POT1: variants seen among roughly 807,000 people sequenced by gnomAD.
POT1 encodes protection of telomeres 1, also known as protection of telomeres protein 1.
POT1 carries 47 observed loss-of-function variants against 78.5 expected under a neutral mutation model. The observed-to-expected ratio is 0.60, with a 90% CI of 0.47 to 0.76. The LOEUF is 0.76. Among genes scored for constraint, POT1 ranks in the 30% least tolerant of loss-of-function variants. The pLI, the probability that POT1 is intolerant of heterozygous loss-of-function variation, is 0.00. For missense variants in POT1, 646 were observed against 749.9 expected (o/e 0.86, Z 1.62); for synonymous variants, 259 against 260.7 (o/e 0.99, Z 0.06).
intron 2 of POT1, among the ~76,000 whole-genome samples, chr7:124,923,751 T>TAA (rs941364245): frequency 2.8e-5 from 4 of 143,060 alleles, no homozygotes; most frequent in African/African-American, 7.7e-5. Context: ...AAGTCAAAGT[T>TAA]AAAAAAAAAA....
chr7:124,911,454 G>C (rs1023888387), intron 3 of POT1, among the ~76,000 whole-genome samples: 3 of 152,202 alleles, frequency 2.0e-5, no homozygotes, highest in Admixed American at 1.3e-4. Context: ...GACTAGATTA[G>C]AACTATATTT....
At chr7:124,904,397 C>T (rs1342891611) in intron 3 of POT1, among the ~76,000 whole-genome samples, 1 of 152,158 alleles carries the variant, frequency 6.6e-6, no homozygotes, top group Non-Finnish European at 1.5e-5. Context: ...ACAAAAACCA[C>T]ATGATTATCT....
chr7:124,924,649 A>G (rs551391637), intron 2 of POT1, among the ~76,000 whole-genome samples: 24 of 152,126 alleles, frequency 1.6e-4, no homozygotes, highest in African/African-American at 5.3e-4. Context: ...TCAAAACCAG[A>G]CAAAGAACAC....
chr7:124,881,117 G>A (rs957811517), intron 6 of POT1, among the ~76,000 whole-genome samples: 19 of 151,908 alleles, frequency 1.3e-4, no homozygotes, highest in African/African-American at 4.6e-4. Flanking sequence ...GTAGTTAGGC[G>A]ATTTCATTGT....
intron 17 of POT1, among the ~76,000 whole-genome samples, chr7:124,826,905 T>A (rs1447116909): frequency 3.0e-5 from 4 of 134,290 alleles, no homozygotes. Context: ...CAAACAAAAG[T>A]ACGATAAAAT....
At chr7:124,860,689 T>C (rs1390678117) in intron 8 of POT1, among the ~76,000 whole-genome samples, 2 of 152,222 alleles carry the variant, frequency 1.3e-5, no homozygotes, top group East Asian at 1.9e-4. Context: ...ACACGTGCCA[T>C]AGTGGTTTGC....
chr7:124,823,214 A>T lies in POT1; in HGVS notation c.*748T>A, dbSNP rs977914199. On this transcript the variant is annotated 3_prime_UTR_variant, in exon 19 of 19. Coordinates refer to ENST00000357628, the MANE Select transcript of POT1 (RefSeq NM_015450.3). ...CACCTATTTCGATTCTTTGCCTCAT[A>T]TCATTTTTCAGCTCAACTTAGGGCA... is the stretch of plus-strand genomic sequence containing the variant. 1.3e-5 allele frequency: 2 copies of T among 152,088 alleles called. No individual in the cohort carries two copies. The highest frequency in any genetic ancestry group is 4.8e-5 in the African/African-American group (2 of 41,444). The allele number at this position is 152,088 out of a possible 1,614,324, so 9.4% of individuals were successfully genotyped here. A position where few individuals can be genotyped will look rare whatever the true frequency, so the allele number is the denominator to read the frequency against.
intron 6 of POT1, among the ~76,000 whole-genome samples, chr7:124,881,850 C>A (rs548088756): frequency 5.3e-5 from 8 of 151,930 alleles, no homozygotes; most frequent in Non-Finnish European, 1.0e-4. Context: ...AGCATTCGTA[C>A]TTTAAATAAA....
At chr7:124,838,178 T>C (rs12155120) in intron 14 of POT1, among the ~76,000 whole-genome samples, 60,588 of 151,862 alleles carry the variant, frequency 0.4, 12,211 homozygotes, top group East Asian at 0.5. Context: ...AATATTGTAC[T>C]GGAAGCCCTA....
At chr7:124,883,633 G>A (rs1390703522) in intron 6 of POT1, among the ~76,000 whole-genome samples, 1 of 151,818 alleles carries the variant, frequency 6.6e-6, no homozygotes, top group Non-Finnish European at 1.5e-5. Flanking sequence ...ACATATCACA[G>A]GTCATGAGTT....
intron 6 of POT1, among the ~76,000 whole-genome samples, chr7:124,873,817 G>T (rs1452978719): frequency 2.0e-5 from 3 of 152,172 alleles, no homozygotes; most frequent in Non-Finnish European, 4.4e-5. Flanking sequence ...GTGAAGGAAA[G>T]GAGAGTGGAA....
At chr7:124,847,561 T>C (rs1230857134) in intron 11 of POT1, among the ~76,000 whole-genome samples, 1 of 152,174 alleles carries the variant, frequency 6.6e-6, no homozygotes, top group Non-Finnish European at 1.5e-5. Context: ...TGCTATCACT[T>C]ATGTGGAAGT....
chr7:124,903,145 G>A (rs1350870113), intron 3 of POT1, among the ~76,000 whole-genome samples: 3 of 152,124 alleles, frequency 2.0e-5, no homozygotes, highest in South Asian at 2.1e-4. Flanking sequence ...GGATATCCAG[G>A]ACTTGAACTC....
rs1409498607 is a variant in POT1, at chr7:124,835,421, A to G, written c.1370-7T>C. Reference sequence around the variant, plus strand: ...ATTTCACTGAGTGTACCTCCTGTTAAGAGAATAAATAAATCCTTCAAGTAG... The same window carrying G: ...ATTTCACTGAGTGTACCTCCTGTTAGGAGAATAAATAAATCCTTCAAGTAG... On this transcript the variant is annotated splice_region_variant and splice_polypyrimidine_tract_variant and intron_variant, in intron 14 of 18. Coordinates refer to ENST00000357628, the MANE Select transcript of POT1 (RefSeq NM_015450.3). The G allele has an allele frequency of 2.5e-6, 4 of 1,609,538 alleles. 1 individual carries two copies. In the South Asian group the frequency reaches 4.4e-5, roughly 18 times the overall value.
At chr7:124,834,022 A>G (rs1258431320) in intron 15 of POT1, among the ~76,000 whole-genome samples, 1 of 152,200 alleles carries the variant, frequency 6.6e-6, no homozygotes, top group Non-Finnish European at 1.5e-5. Context: ...AGGATTCCCT[A>G]TTTAATAAAT....
At position 124,863,616 on chromosome 7, in the gene POT1, G is replaced by C. The variant is rs587777474; in HGVS notation, c.280C>G (p.Gln94Glu). ...LKIQVYKKET[Q>E]GITSSGFASL... The stretch of plus-strand genomic sequence containing the variant: ...GCAAAGCCAGAGCTGGTGATACCCT[G>C]AGTCTCCTTTTTATATACTTGAATC... Residue 94 changes from glutamine (Q) to glutamate (E), a missense_variant, in exon 8 of 19, where the codon CAG (glutamine) becomes GAG (glutamate). By Grantham distance (29) the Gln-to-Glu change is conservative. This residue lies in a region of POT1 where 252 missense variants were observed against 341.4 expected (regional missense o/e 0.74). Transcript: ENST00000357628. 1.2e-6 allele frequency: 2 copies of C among 1,612,146 alleles called. No individual in the cohort carries two copies. Among genetic ancestry groups the C allele is most frequent in the Admixed American group, 1.7e-5 (1 of 59,636 alleles).
At chr7:124,825,035 A>T (rs1794596241) in intron 18 of POT1, among the ~76,000 whole-genome samples, 1 of 152,110 alleles carries the variant, frequency 6.6e-6, no homozygotes, top group African/African-American at 2.4e-5. Context: ...TATATTTAAA[A>T]ATATTTTAAA....
chr7:124,878,353 A>C (rs1273054016), intron 6 of POT1, among the ~76,000 whole-genome samples: 1 of 152,052 alleles, frequency 6.6e-6, no homozygotes, highest in East Asian at 1.9e-4. Context: ...GGTGGGGGGA[A>C]GAAGCTCACC....
In POT1 at chr7:124,864,267, T is replaced by C. The variant is rs1795669041; in HGVS notation, c.256-627A>G. On this transcript the variant is annotated intron_variant, in intron 7 of 18. Coordinates refer to ENST00000357628, the MANE Select transcript of POT1 (RefSeq NM_015450.3). Reference sequence around the variant, plus strand: ...TACTTCATTTCCCTTATGTTTACTTTGCACATTTTTTTTCCTACAGTTTTA... The same window carrying C: ...TACTTCATTTCCCTTATGTTTACTTCGCACATTTTTTTTCCTACAGTTTTA... Among the ~76,000 whole-genome samples, 3 of 152,186 alleles carry C rather than the reference T, an allele frequency of 2.0e-5. 1 individual carries two copies. In the South Asian group the frequency reaches 6.2e-4, roughly 31 times the overall value.
Sources: gnomAD v4.1 joint callset for allele counts (sites outside exome capture counted in the v4.1 genomes callset) on GRCh38, gnomAD v4.1.1 for gene constraint, gnomAD v4.1.1 regional missense constraint, MANE v1.5 for transcripts, NCBI Gene and HGNC (gene_info 2026-07-23, HGNC 2026-07-21) for gene names.